STX19: variants seen among roughly 807,000 people sequenced by gnomAD.
The protein encoded by STX19 is syntaxin-19.
STX19 carries 26 observed loss-of-function variants against 24.3 expected under a neutral mutation model. The ratio of observed to expected loss-of-function variants is 1.07; its 90% CI spans 0.78 to 1.48. STX19 has a LOEUF of 1.48. Ranked by LOEUF, STX19 falls within the 40% of genes most tolerant of loss-of-function variation. The pLI is 0.00. For synonymous variants in STX19, 116 were observed against 106.9 expected (o/e 1.09, Z -0.52); for missense variants, 367 against 331.9 (o/e 1.11, Z -0.82).
chr3:94,026,879 A>G (rs2076568671), intron 1 of STX19, among the ~76,000 whole-genome samples: 1 of 152,170 alleles, frequency 6.6e-6, no homozygotes, highest in African/African-American at 2.4e-5. Flanking sequence ...AAAGAACACT[A>G]ACTCGTATGT....
chr3:94,019,018 G>C (rs919871485), intron 1 of STX19, among the ~76,000 whole-genome samples: 1 of 152,182 alleles, frequency 6.6e-6, no homozygotes, highest in African/African-American at 2.4e-5. Context: ...CGCCCTCTTC[G>C]GCCTCCCAAA....
At chr3:94,018,896 G>A (rs886549903) in intron 1 of STX19, among the ~76,000 whole-genome samples, 1 of 152,068 alleles carries the variant, frequency 6.6e-6, no homozygotes, top group East Asian at 1.9e-4. Flanking sequence ...CTCCCGAGTG[G>A]CTGGGACTAC....
chr3:94,022,982 C>G (rs537297185), intron 1 of STX19, among the ~76,000 whole-genome samples: 153 of 151,786 alleles, frequency 1.0e-3, no homozygotes, highest in African/African-American at 3.5e-3. Flanking sequence ...TCATTTTATT[C>G]ATCTTTTGAG....
intron 1 of STX19, among the ~76,000 whole-genome samples, chr3:94,015,789 A>G (rs1243400893): frequency 6.6e-6 from 1 of 152,164 alleles, no homozygotes; most frequent in Non-Finnish European, 1.5e-5. Context: ...AGCTATATGG[A>G]TAATATTGAA....
Position 94,014,417 on chromosome 3 carries a change from A to C in STX19, c.853T>G (p.Cys285Gly). 6.4e-7 allele frequency: 1 copy of C among 1,563,496 alleles called. No homozygotes were observed. Among genetic ancestry groups the C allele is most frequent in the Non-Finnish European group, 8.6e-7 (1 of 1,163,020 alleles). Residue 285 changes from cysteine to glycine, a missense_variant, in exon 2 of 2, where the codon TGT becomes GGT. By Grantham distance (159) the Cys-to-Gly change is radical. Coordinates refer to ENST00000315099, the MANE Select transcript of STX19 (RefSeq NM_001001850.3). ...GAGCTACAGCATGGACAGCACCAAC[A>C]ACACAGTACTCTGCAAGGATTTCTT... is the stretch of plus-strand genomic sequence containing the variant. ...KKRNPCRVLC[C>G]WCCPCCSSK
chr3:94,014,924 C>G lies in STX19; in HGVS notation c.346G>C (p.Val116Leu). ...CCATTTTCAACCTCTGACTTTTTAACTTCTTTAACTAAATCATTCAAACTT... is the reference window on the plus strand; with the variant it reads ...CCATTTTCAACCTCTGACTTTTTAAGTTCTTTAACTAAATCATTCAAACTT... Reference protein sequence around the residue: ...NRSLNDLVKEVKKSEVENGPS... With the variant: ...NRSLNDLVKELKKSEVENGPS... Residue 116 changes from valine (V) to leucine (L), a missense_variant, in exon 2 of 2, where the codon GTT (valine) becomes CTT (leucine). By Grantham distance (32) the Val-to-Leu change is conservative (BLOSUM62 1). Transcript: ENST00000315099. 1 of 1,613,422 alleles carries G rather than the reference C, an allele frequency of 6.2e-7. No homozygotes were observed. Among genetic ancestry groups the G allele is most frequent in the South Asian group, 1.1e-5 (1 of 90,800 alleles).
At chr3:94,018,166 A>G (rs185699699) in intron 1 of STX19, among the ~76,000 whole-genome samples, 84 of 152,112 alleles carry the variant, frequency 5.5e-4, no homozygotes, top group African/African-American at 1.8e-3. Flanking sequence ...CCAGAGTGCT[A>G]AGATTACAGG....
chr3:94,015,394 C>G, intron 1 of STX19, 112 bp from the exon 2 acceptor site: 1 of 716,214 alleles, frequency 1.4e-6, no homozygotes, highest in Non-Finnish European at 2.1e-6. Flanking sequence ...CTAGTTTTCT[C>G]AAATGAGGTT....
intron 1 of STX19, among the ~76,000 whole-genome samples, chr3:94,016,392 G>A (rs560320270): frequency 2.6e-5 from 4 of 152,186 alleles, no homozygotes; most frequent in African/African-American, 7.2e-5. Context: ...TGTTGTCATA[G>A]GAGGCATACT....
intron 1 of STX19, among the ~76,000 whole-genome samples, chr3:94,025,771 A>G (rs1402382531): frequency 2.0e-5 from 3 of 152,062 alleles, no homozygotes; most frequent in African/African-American, 4.8e-5. Context: ...GCCTAAGTGG[A>G]TATCTCACTT....
chr3:94,017,439 T>C (rs2107502019), intron 1 of STX19, among the ~76,000 whole-genome samples: 1 of 152,348 alleles, frequency 6.6e-6, no homozygotes, highest in East Asian at 1.9e-4. Context: ...CAAGATGTTC[T>C]GGAATGATGA....
In STX19 at chr3:94,015,290, G is replaced by C; in HGVS notation, c.-13-8C>G. 6.7e-7 allele frequency: 1 copy of C among 1,502,538 alleles called. No individual in the cohort carries two copies. Among genetic ancestry groups the C allele is most frequent in the Non-Finnish European group, 8.8e-7 (1 of 1,132,912 alleles). 93.1% of individuals were successfully genotyped at this position (1,502,538 alleles called of 1,614,324 possible). A position where few individuals can be genotyped will look rare whatever the true frequency, so the allele number is the denominator to read the frequency against. ...TTCATCTTCCCTTTCCTCCTAAGAAGCAAAAATTTTTGTGTTGAACAAGTA... is the reference window on the plus strand; with the variant it reads ...TTCATCTTCCCTTTCCTCCTAAGAACCAAAAATTTTTGTGTTGAACAAGTA... On this transcript the variant is annotated splice_region_variant and splice_polypyrimidine_tract_variant and intron_variant, in intron 1 of 1. Coordinates refer to ENST00000315099, the MANE Select transcript of STX19 (RefSeq NM_001001850.3).
intron 1 of STX19, 127 bp from the exon 2 acceptor site, chr3:94,015,409 A>G (rs910767433): frequency 1.5e-5 from 9 of 612,572 alleles, no homozygotes; most frequent in African/African-American, 9.4e-5. Flanking sequence ...GAGGTTAAAA[A>G]GTTAGAAAAA....
chr3:94,015,179 G>T lies in STX19; in HGVS notation c.91C>A (p.Gln31Lys), dbSNP rs2076304956. Residue 31 changes from glutamine (Q) to lysine (K), a missense_variant, in exon 2 of 2, where the codon CAA becomes AAA. Gln to Lys is a moderately conservative substitution (Grantham distance 53). Coordinates refer to ENST00000315099, the MANE Select transcript of STX19 (RefSeq NM_001001850.3). ...ACAGCTTGCTGTAGAAACACCCCTT[G>T]TTCCTCTGTTTCTGTAGTTGATACA... ...SHVSTTETEE[Q>K]GVFLQQAVIY... 1 of 1,613,598 alleles carries T rather than the reference G, an allele frequency of 6.2e-7. No homozygotes were observed. Among genetic ancestry groups the T allele is most frequent in the African/African-American group, 1.3e-5 (1 of 74,896 alleles).
At chr3:94,026,665 A>T (rs1010653238) in intron 1 of STX19, among the ~76,000 whole-genome samples, 4 of 152,194 alleles carry the variant, frequency 2.6e-5, no homozygotes, top group Admixed American at 1.3e-4. Flanking sequence ...TAGTTGTGAA[A>T]TCATTTAATT....
chr3:94,024,302 G>A (rs1042900893), intron 1 of STX19, among the ~76,000 whole-genome samples: 3 of 152,162 alleles, frequency 2.0e-5, no homozygotes, highest in South Asian at 2.1e-4. Flanking sequence ...GGTTGCACCC[G>A]TGTAAATATA....
chr3:94,025,866 A>G (rs962086796), intron 1 of STX19, among the ~76,000 whole-genome samples: 24 of 152,110 alleles, frequency 1.6e-4, no homozygotes, highest in African/African-American at 5.8e-4. Context: ...TAACTGTTTC[A>G]TCTAGGAAAC....
At chr3:94,023,319 T>G (rs2076488296) in intron 1 of STX19, among the ~76,000 whole-genome samples, 1 of 152,146 alleles carries the variant, frequency 6.6e-6, no homozygotes, top group Non-Finnish European at 1.5e-5. Context: ...TTTCTGATAT[T>G]TTGTAGATCT....
At chr3:94,021,369 A>G (rs1240419249) in intron 1 of STX19, among the ~76,000 whole-genome samples, 2 of 151,582 alleles carry the variant, frequency 1.3e-5, no homozygotes, top group East Asian at 3.9e-4. Flanking sequence ...TAATTTTTGT[A>G]TTTCTGGTAG....
Sources: allele counts gnomAD v4.1 joint callset (sites outside exome capture counted in the v4.1 genomes callset), GRCh38; gene constraint gnomAD v4.1.1; transcripts MANE v1.5; gene names NCBI Gene and HGNC (gene_info 2026-07-23, HGNC 2026-07-21).